The following PCDH15 variants were observed in gnomAD, a reference collection of about 807,000 sequenced individuals.
The protein encoded by PCDH15 is protocadherin related 15, also known as protocadherin-15.
A neutral mutation model predicts 178.5 loss-of-function variants in PCDH15; 129 were observed. The observed-to-expected ratio is 0.72, with a 90% confidence interval of 0.63 to 0.84. The LOEUF is 0.84. Ranked by LOEUF, PCDH15 falls within the 40% of genes least tolerant of loss-of-function variation. The probability of loss-of-function intolerance (pLI) is 0.00; values close to 1 mark genes in which losing one functional copy is unlikely to be tolerated. For synonymous variants in PCDH15, 800 were observed against 732.0 expected (o/e 1.09, Z -1.50); for missense variants, 2,230 against 2,099.9 (o/e 1.06, Z -1.21).
chr10:55,114,932 A>G lies in PCDH15; in HGVS notation c.-80+51644T>C, dbSNP rs79424761. On this transcript the variant is annotated intron_variant, in intron 2 of 5. Transcript: ENST00000458638. The stretch of plus-strand genomic sequence containing the variant: ...ATAAAATAGATGGCTAGATATTCAC[A>G]TTTTAAATACACAAATTAAAAAGAC... Among the ~76,000 whole-genome samples the G allele has an allele frequency of 8.2e-3, 1,242 of 152,324 alleles. 15 individuals are homozygous for G. The highest frequency in any genetic ancestry group is 0.027 in the African/African-American group (1,121 of 41,562).
intron 2 of PCDH15, among the ~76,000 whole-genome samples, chr10:55,154,625 C>T (rs1405185520): frequency 1.3e-5 from 2 of 152,122 alleles, no homozygotes; most frequent in African/African-American, 4.8e-5. Context: ...ATGTTAACAA[C>T]CAGGCAGCAT....
At chr10:55,617,333 A>T (rs1328404144) in intron 2 of PCDH15, among the ~76,000 whole-genome samples, 5 of 152,056 alleles carry the variant, frequency 3.3e-5, no homozygotes, top group Non-Finnish European at 7.4e-5. Context: ...CATTAGTAAT[A>T]CTCGTCTTAT....
At chr10:54,300,739 C>T (rs556483227) in intron 8 of PCDH15, among the ~76,000 whole-genome samples, 1 of 152,270 alleles carries the variant, frequency 6.6e-6, no homozygotes, top group African/African-American at 2.4e-5. Context: ...ATTGTAAACA[C>T]ACCAATCAGC....
intron 1 of PCDH15, among the ~76,000 whole-genome samples, chr10:54,743,528 C>T (rs1225859230): frequency 6.6e-6 from 1 of 151,872 alleles, no homozygotes; most frequent in African/African-American, 2.4e-5. Flanking sequence ...CATGAAGATG[C>T]AAACAGGAGT....
At chr10:54,050,698 T>C (rs1302232672) in intron 18 of PCDH15, among the ~76,000 whole-genome samples, 1 of 152,158 alleles carries the variant, frequency 6.6e-6, no homozygotes, top group Non-Finnish European at 1.5e-5. Flanking sequence ...ATTTTTGATG[T>C]ATGTATTTAG....
Position 55,442,485 on chromosome 10 carries a change from A to AT in PCDH15, c.-156+185139dup, listed in dbSNP as rs1554869647. On this transcript the variant is annotated intron_variant, in intron 2 of 5. Coordinates refer to the PCDH15 transcript ENST00000613346. ...TATATATATATTATATATATATTAT[A>AT]TATATATATATATATGTAAGCTGGG... Among the ~76,000 whole-genome samples, 29 of 91,738 alleles carry AT rather than the reference A, an allele frequency of 3.2e-4. No individual in the cohort carries two copies. The Middle Eastern group carries it at 0.016, about 50-fold the overall frequency. The allele number at this position is 91,738 out of a possible 152,430, so 60.2% of individuals were successfully genotyped here.
At chr10:54,593,959 A>T (rs1456387824) in intron 2 of PCDH15, among the ~76,000 whole-genome samples, 1 of 151,832 alleles carries the variant, frequency 6.6e-6, no homozygotes, top group African/African-American at 2.4e-5. Context: ...ACCCCTAGTA[A>T]ATCTTCAGAG....
chr10:54,066,873 T>C lies in PCDH15; in HGVS notation c.2104A>G (p.Thr702Ala), dbSNP rs757991365. 3 of 1,613,388 alleles carry C rather than the reference T, an allele frequency of 1.9e-6. No individual in the cohort carries two copies. The highest frequency in any genetic ancestry group is 1.7e-6 in the Non-Finnish European group (2 of 1,179,524). ...DGRPDGTSTA[T>A]VNIVVTDVND... ...ACATCTGTCACCACTATGTTTACTG[T>C]GGCAGTTGAGGTCTTAAAGAAAAAC... is the stretch of plus-strand genomic sequence containing the variant. Residue 702 changes from threonine to alanine, a missense_variant, in exon 18 of 38, where the codon ACA (threonine) becomes GCA (alanine). By Grantham distance (58) the Thr-to-Ala change is moderately conservative. Coordinates refer to ENST00000644397, the MANE Select transcript of PCDH15 (RefSeq NM_001384140.1).
At chr10:55,316,286 A>C (rs16907246) in intron 1 of PCDH15, among the ~76,000 whole-genome samples, 1,923 of 152,238 alleles carry the variant, frequency 0.013, 33 homozygotes, top group African/African-American at 0.044. Context: ...ACAGCTTGAC[A>C]AGACATGAAC....
At chr10:55,453,798 GCTT>G (rs2132083963) in intron 2 of PCDH15, among the ~76,000 whole-genome samples, 1 of 152,124 alleles carries the variant, frequency 6.6e-6, no homozygotes, top group East Asian at 1.9e-4. Context: ...CATCCACCAG[GCTT>G]CTTCTTGCAT....
At chr10:54,643,803 A>AT (rs887659958) in intron 2 of PCDH15, among the ~76,000 whole-genome samples, 6 of 135,676 alleles carry the variant, frequency 4.4e-5, no homozygotes, top group African/African-American at 1.4e-4. Flanking sequence ...GCTCTGGTTC[A>AT]TTTTTTTTAA....
Position 54,121,278 on chromosome 10 carries a change from G to A in PCDH15, c.1917+11597C>T, listed in dbSNP as rs573259081. On this transcript the variant is annotated intron_variant, in intron 15 of 37. Transcript: ENST00000644397. ...AGAAACACAACATAAAAAATCTCTG[G>A]GATGTTGCAAAATCAGTGTTAAGAA... is the stretch of plus-strand genomic sequence containing the variant. 3.9e-5 allele frequency among the ~76,000 whole-genome samples: 6 copies of A among 151,984 alleles called. No individual in the cohort carries two copies. The South Asian group carries it at 1.2e-3, about 32-fold the overall frequency.
intron 2 of PCDH15, among the ~76,000 whole-genome samples, chr10:55,434,244 G>C (rs1023291244): frequency 1.3e-5 from 2 of 150,790 alleles, no homozygotes; most frequent in African/African-American, 4.9e-5. Context: ...ATTTTTTTTT[G>C]TATTTTTAGT....
intron 2 of PCDH15, among the ~76,000 whole-genome samples, chr10:55,048,135 T>A (rs1390771023): frequency 2.6e-5 from 4 of 151,804 alleles, no homozygotes; most frequent in Non-Finnish European, 4.4e-5. Context: ...AGGAGGAGAA[T>A]CATGAAAAAA....
At chr10:55,341,782 TATATATATATATATATATA>T (rs1844572772) in intron 2 of PCDH15, among the ~76,000 whole-genome samples, 2 of 11,162 alleles carry the variant, frequency 1.8e-4, no homozygotes, top group African/African-American at 4.2e-4. Flanking sequence ...TATATATATA[TATATATATATATATATATA>T]TATATTTTTT....
intron 2 of PCDH15, among the ~76,000 whole-genome samples, chr10:54,591,108 C>T (rs774514021): frequency 1.3e-5 from 2 of 152,096 alleles, no homozygotes; most frequent in Non-Finnish European, 2.9e-5. Context: ...ATGCCCGAAG[C>T]CCCTAGAACC....
chr10:55,172,291 A>C (rs1839357199), intron 1 of PCDH15, among the ~76,000 whole-genome samples: 1 of 151,990 alleles, frequency 6.6e-6, no homozygotes, highest in South Asian at 2.1e-4. Context: ...CTTAAACGTA[A>C]GTACTCCTCT....
At chr10:55,451,714 A>G (rs1195525096) in intron 2 of PCDH15, among the ~76,000 whole-genome samples, 1 of 152,170 alleles carries the variant, frequency 6.6e-6, no homozygotes, top group African/African-American at 2.4e-5. Context: ...ATTTTCACGG[A>G]GAAAACCTAT....
intron 3 of PCDH15, among the ~76,000 whole-genome samples, chr10:54,485,593 T>C (rs1053610389): frequency 2.6e-5 from 4 of 152,012 alleles, no homozygotes; most frequent in African/African-American, 9.7e-5. Context: ...AGCTAGATAT[T>C]AGCCAGTTGC....
Sources: gnomAD v4.1 joint callset for allele counts (sites outside exome capture counted in the v4.1 genomes callset) on GRCh38, gnomAD v4.1.1 for gene constraint, MANE v1.5 for transcripts, NCBI Gene and HGNC (gene_info 2026-07-23, HGNC 2026-07-21) for gene names.